The following DPP10 variants were observed in gnomAD, a reference collection of about 807,000 sequenced individuals.
The protein encoded by DPP10 is dipeptidyl peptidase like 10, also known as inactive dipeptidyl peptidase 10.
In DPP10, 33 loss-of-function variants were observed where a neutral mutation model predicts 120.9. The observed-to-expected ratio is 0.27, with a 90% confidence interval of 0.21 to 0.37. The LOEUF (loss-of-function observed/expected upper bound fraction) is 0.37. DPP10 is among the 10% of genes least tolerant of loss of function. DPP10 has a pLI of 1.00. For synonymous variants in DPP10, 337 were observed against 326.1 expected (o/e 1.03, Z -0.36); for missense variants, 816 against 942.8 (o/e 0.87, Z 1.76).
chr2:114,988,221 G>C (rs150966133), intron 1 of DPP10, among the ~76,000 whole-genome samples: 2 of 152,334 alleles, frequency 1.3e-5, no homozygotes, highest in Non-Finnish European at 2.9e-5. Context: ...GGAGAAGTTT[G>C]TTGCTTTTAT....
At chr2:115,129,105 G>A (rs1182593017) in intron 1 of DPP10, among the ~76,000 whole-genome samples, 1 of 152,250 alleles carries the variant, frequency 6.6e-6, no homozygotes, top group East Asian at 1.9e-4. Flanking sequence ...CTTCTGTCTG[G>A]ACCAAATGAT....
intron 1 of DPP10, among the ~76,000 whole-genome samples, chr2:114,669,196 C>T (rs1245373325): frequency 6.6e-6 from 1 of 152,132 alleles, no homozygotes; most frequent in Non-Finnish European, 1.5e-5. Context: ...AAAGCCTATA[C>T]ATTTTAGTGT....
intron 1 of DPP10, among the ~76,000 whole-genome samples, chr2:114,891,956 T>TCTGC (rs1692578333): frequency 6.6e-6 from 1 of 151,924 alleles, no homozygotes; most frequent in Non-Finnish European, 1.5e-5. Context: ...TGTCTGTCTG[T>TCTGC]CTGCCTGATT....
At chr2:114,808,366 G>A (rs1046025603) in intron 1 of DPP10, among the ~76,000 whole-genome samples, 6 of 152,016 alleles carry the variant, frequency 3.9e-5, no homozygotes, top group Non-Finnish European at 8.8e-5. Flanking sequence ...AGGTCAGCAT[G>A]CATTTCTGAA....
At chr2:114,738,504 G>C (rs1316382150) in intron 1 of DPP10, among the ~76,000 whole-genome samples, 5 of 152,138 alleles carry the variant, frequency 3.3e-5, no homozygotes, top group Non-Finnish European at 7.4e-5. Flanking sequence ...AATAAAGCCT[G>C]GGACACAGAG....
intron 2 of DPP10, among the ~76,000 whole-genome samples, chr2:115,310,787 T>TA (rs1163194657): frequency 6.6e-6 from 1 of 152,086 alleles, no homozygotes; most frequent in Non-Finnish European, 1.5e-5. Context: ...AACATAATTA[T>TA]AAAAAAAGAA....
At chr2:115,248,372 C>G (rs551851404) in intron 1 of DPP10, among the ~76,000 whole-genome samples, 80 of 152,194 alleles carry the variant, frequency 5.3e-4, no homozygotes, top group Non-Finnish European at 9.6e-4. Context: ...GTTGTATACT[C>G]TGGCCTCTTT....
At chr2:115,422,979 C>T (rs966290409) in intron 3 of DPP10, among the ~76,000 whole-genome samples, 2 of 151,994 alleles carry the variant, frequency 1.3e-5, no homozygotes, top group Non-Finnish European at 2.9e-5. Context: ...TTCTCTAAAG[C>T]GTCACTGTCC....
chr2:114,786,744 A>G (rs1390520792), intron 1 of DPP10, among the ~76,000 whole-genome samples: 2 of 152,154 alleles, frequency 1.3e-5, no homozygotes, highest in Admixed American at 1.3e-4. Context: ...GTTCATATCA[A>G]AGTGAAGTAA....
At chr2:115,716,401 A>G (rs1192467614) in intron 7 of DPP10, among the ~76,000 whole-genome samples, 2 of 152,200 alleles carry the variant, frequency 1.3e-5, no homozygotes, top group African/African-American at 4.8e-5. Context: ...GTTGTATCCC[A>G]TTGTAACAGA....
intron 1 of DPP10, among the ~76,000 whole-genome samples, chr2:114,612,470 TC>T (rs2105290388): frequency 1.3e-5 from 2 of 152,310 alleles, no homozygotes; most frequent in African/African-American, 4.8e-5. Context: ...TGGTGCTTTT[TC>T]CCTCATTTCT....
intron 1 of DPP10, among the ~76,000 whole-genome samples, chr2:114,737,208 T>C (rs906302807): frequency 2.0e-5 from 3 of 152,178 alleles, no homozygotes; most frequent in Admixed American, 6.5e-5. Flanking sequence ...TCTCAGCTCA[T>C]TGGAATACAA....
chr2:115,367,958 G>A (rs1178150924), intron 3 of DPP10, among the ~76,000 whole-genome samples: 1 of 152,074 alleles, frequency 6.6e-6, no homozygotes, highest in East Asian at 1.9e-4. Flanking sequence ...CCTTGTCCTA[G>A]TTCTGCCTTC....
chr2:115,547,157 A>T (rs1435579962), intron 5 of DPP10, among the ~76,000 whole-genome samples: 1 of 152,178 alleles, frequency 6.6e-6, no homozygotes, highest in Non-Finnish European at 1.5e-5. Context: ...CTGGGCTCTA[A>T]GCAAGACATG....
intron 1 of DPP10, among the ~76,000 whole-genome samples, chr2:114,747,042 T>A (rs1302516939): frequency 6.6e-6 from 1 of 152,198 alleles, no homozygotes; most frequent in African/African-American, 2.4e-5. Flanking sequence ...CACTTAGTTC[T>A]GAATGATGTA....
At chr2:115,158,279 C>T (rs2052054277) in intron 1 of DPP10, among the ~76,000 whole-genome samples, 2 of 152,304 alleles carry the variant, frequency 1.3e-5, no homozygotes, top group East Asian at 3.9e-4. Context: ...ATCTAAATTT[C>T]ATAACCCGTC....
chr2:115,138,198 T>C (rs1279892656), intron 1 of DPP10, among the ~76,000 whole-genome samples: 1 of 152,208 alleles, frequency 6.6e-6, no homozygotes, highest in East Asian at 1.9e-4. Flanking sequence ...AATTTTTTTT[T>C]TAGTGCCCTA....
intron 1 of DPP10, among the ~76,000 whole-genome samples, chr2:114,569,478 G>A (rs542786341): frequency 6.6e-6 from 1 of 152,276 alleles, no homozygotes; most frequent in East Asian, 1.9e-4. Flanking sequence ...AATATGTCCT[G>A]ATAGGTGGGA....
chr2:115,016,642 T>C (rs1702660478), intron 1 of DPP10, among the ~76,000 whole-genome samples: 1 of 151,134 alleles, frequency 6.6e-6, no homozygotes. Flanking sequence ...TTCAAGGAAC[T>C]CAAACAAATT....
Sources: allele counts gnomAD v4.1 joint callset (sites outside exome capture counted in the v4.1 genomes callset), GRCh38; gene constraint gnomAD v4.1.1; transcripts MANE v1.5; gene names NCBI Gene and HGNC (gene_info 2026-07-23, HGNC 2026-07-21).